The following AGBL4 variants were observed in gnomAD, a reference collection of about 807,000 sequenced individuals.
AGBL4 encodes the protein AGBL carboxypeptidase 4.
AGBL4 carries 58 observed loss-of-function variants against 66.4 expected under a neutral mutation model. The ratio of observed to expected loss-of-function variants is 0.87; its 90% CI spans 0.71 to 1.09. The LOEUF (loss-of-function observed/expected upper bound fraction) is 1.09. Ranked by LOEUF, AGBL4 falls within the 50% of genes least tolerant of loss-of-function variation. The pLI, the probability that AGBL4 is intolerant of heterozygous loss-of-function variation, is 0.00. For missense variants in AGBL4, 579 were observed against 631.0 expected, an observed-to-expected ratio of 0.92 and a Z score of 0.88; for synonymous variants, 234 against 222.9, an observed-to-expected ratio of 1.05 and a Z score of -0.44.
chr1:48,621,959 T>C lies in AGBL4; in HGVS notation c.951+12534A>G, dbSNP rs577921310. Among the ~76,000 whole-genome samples the C allele has an allele frequency of 2.2e-4, 33 of 152,192 alleles. No individual in the cohort carries two copies. In the South Asian group the frequency reaches 3.3e-3, roughly 15 times the overall value. ...CAGAAACTCATAGTAAGATTTTTTT[T>C]TCTCTCTCTCTTTTGAATTCTGTGT... On this transcript the variant is annotated intron_variant, in intron 9 of 13. Coordinates refer to ENST00000371839, the MANE Select transcript of AGBL4 (RefSeq NM_032785.4).
chr1:49,714,364 C>T (rs939707403), intron 2 of AGBL4, among the ~76,000 whole-genome samples: 2 of 151,926 alleles, frequency 1.3e-5, no homozygotes, highest in African/African-American at 4.8e-5. Context: ...AAAGCATCCA[C>T]TCTTATAATT....
chr1:49,347,530 C>T (rs112099172), intron 3 of AGBL4, among the ~76,000 whole-genome samples: 4,179 of 152,052 alleles, frequency 0.027, 166 homozygotes, highest in African/African-American at 0.095. Context: ...GGATTACAGG[C>T]GCCCACATGC....
chr1:48,762,614 TTGTGTGTGTGTG>T (rs58396843), intron 6 of AGBL4, among the ~76,000 whole-genome samples: 14 of 75,184 alleles, frequency 1.9e-4, no homozygotes, highest in Non-Finnish European at 3.0e-4. Flanking sequence ...TTTAAGGGTT[TTGTGTGTGTGTG>T]TGTGTGTGTG....
Position 49,325,879 on chromosome 1 carries a change from T to C in AGBL4, c.283-80015A>G, listed in dbSNP as rs1030878842. Among the ~76,000 whole-genome samples the C allele has an allele frequency of 2.6e-5, 4 of 152,196 alleles. No individual in the cohort carries two copies. The South Asian group carries it at 8.3e-4, about 32-fold the overall frequency. The stretch of plus-strand genomic sequence containing the variant: ...AAAAGCATGTAGGACGTCCCTTCTC[T>C]CTCTCTTGCTCCTGTTCCCTCCATG... On this transcript the variant is annotated intron_variant, in intron 3 of 13. Coordinates refer to ENST00000371839, the MANE Select transcript of AGBL4 (RefSeq NM_032785.4).
intron 3 of AGBL4, among the ~76,000 whole-genome samples, chr1:49,522,402 G>A (rs958022574): frequency 7.2e-5 from 11 of 152,100 alleles, no homozygotes; most frequent in East Asian, 1.9e-4. Context: ...TAGACCATAC[G>A]CAACATGCCT....
At chr1:49,588,157 C>T (rs1571115646) in intron 3 of AGBL4, among the ~76,000 whole-genome samples, 2 of 152,154 alleles carry the variant, frequency 1.3e-5, no homozygotes. Flanking sequence ...AATCTTACAG[C>T]GTAGAATGTC....
rs191826687 is a variant in AGBL4, at chr1:49,619,255, A to C, written c.282+78058T>G. 3.4e-3 allele frequency among the ~76,000 whole-genome samples: 518 copies of C among 152,362 alleles called. 6 individuals carry two copies. Among genetic ancestry groups the C allele is most frequent in the African/African-American group, 0.012 (497 of 41,590 alleles). ...AGCCAAAAATCTTCTTAAGCTGATA[A>C]GCAACTTCAGCAAAGTCTCAGGATA... On this transcript the variant is annotated intron_variant, in intron 3 of 13. Transcript: ENST00000371839.
At chr1:49,984,982 C>CA (rs550614020) in intron 1 of AGBL4, among the ~76,000 whole-genome samples, 5 of 152,064 alleles carry the variant, frequency 3.3e-5, no homozygotes, top group Non-Finnish European at 7.4e-5. Context: ...TCGGATAAGG[C>CA]AAAAAACACA....
intron 6 of AGBL4, among the ~76,000 whole-genome samples, chr1:48,739,170 C>T (rs1471110823): frequency 6.6e-6 from 1 of 152,240 alleles, no homozygotes; most frequent in Non-Finnish European, 1.5e-5. Context: ...CAGTTCACCA[C>T]TGCAGACAGG....
At chr1:49,957,558 A>G (rs1045832095) in intron 1 of AGBL4, among the ~76,000 whole-genome samples, 2 of 151,878 alleles carry the variant, frequency 1.3e-5, no homozygotes, top group African/African-American at 4.8e-5. Context: ...TTGGGTGCAT[A>G]TATATTTAGG....
chr1:49,051,973 C>T (rs1644224360), intron 4 of AGBL4, among the ~76,000 whole-genome samples: 1 of 152,032 alleles, frequency 6.6e-6, no homozygotes, highest in East Asian at 1.9e-4. Flanking sequence ...CTACATATTG[C>T]CAGCTGAATT....
At chr1:48,933,104 T>C (rs1028759743) in intron 5 of AGBL4, among the ~76,000 whole-genome samples, 1 of 152,156 alleles carries the variant, frequency 6.6e-6, no homozygotes, top group Non-Finnish European at 1.5e-5. Flanking sequence ...TCCCTGAGAC[T>C]CAGTTCTCCT....
At chr1:49,231,056 T>C (rs937713561) in intron 4 of AGBL4, among the ~76,000 whole-genome samples, 6 of 152,202 alleles carry the variant, frequency 3.9e-5, no homozygotes, top group Middle Eastern at 3.2e-3. Context: ...GGAGACTATG[T>C]AGGGTTTTAT....
chr1:49,120,952 A>C (rs929414297), intron 4 of AGBL4, among the ~76,000 whole-genome samples: 2 of 151,866 alleles, frequency 1.3e-5, no homozygotes, highest in Non-Finnish European at 2.9e-5. Context: ...TATTTCATTA[A>C]TTTGATCTTC....
chr1:49,640,066 C>T (rs1294873347), intron 3 of AGBL4, among the ~76,000 whole-genome samples: 4 of 152,116 alleles, frequency 2.6e-5, no homozygotes, highest in Non-Finnish European at 2.9e-5. Context: ...GTGGGGCCAT[C>T]CTCACTGAAA....
intron 2 of AGBL4, among the ~76,000 whole-genome samples, chr1:49,740,696 C>G (rs949323174): frequency 6.6e-6 from 1 of 152,176 alleles, no homozygotes; most frequent in Non-Finnish European, 1.5e-5. Flanking sequence ...TTATAACAAA[C>G]TGTCTCTCAG....
intron 3 of AGBL4, among the ~76,000 whole-genome samples, chr1:49,419,348 A>G (rs2148639481): frequency 6.6e-6 from 1 of 152,280 alleles, no homozygotes; most frequent in East Asian, 1.9e-4. Flanking sequence ...AATCTTGACA[A>G]CAATTCTGTG....
At chr1:49,117,308 G>A (rs568258925) in intron 4 of AGBL4, among the ~76,000 whole-genome samples, 1 of 152,320 alleles carries the variant, frequency 6.6e-6, no homozygotes, top group East Asian at 1.9e-4. Flanking sequence ...CCTATGTCCT[G>A]AATGGTATTG....
intron 6 of AGBL4, among the ~76,000 whole-genome samples, chr1:48,688,029 G>A (rs978617787): frequency 6.6e-6 from 1 of 152,190 alleles, no homozygotes; most frequent in Non-Finnish European, 1.5e-5. Context: ...GCTTTAGAAA[G>A]ATGTAACTGT....
Sources: gnomAD v4.1 joint callset for allele counts (sites outside exome capture counted in the v4.1 genomes callset) on GRCh38, gnomAD v4.1.1 for gene constraint, MANE v1.5 for transcripts, NCBI Gene and HGNC (gene_info 2026-07-23, HGNC 2026-07-21) for gene names.